CDH18: variants seen among roughly 807,000 people sequenced by gnomAD.
CDH18 encodes cadherin 18.
In CDH18, 31 loss-of-function variants were observed where a neutral mutation model predicts 67.9. The ratio of observed to expected loss-of-function variants is 0.46; its 90% CI spans 0.34 to 0.62. The LOEUF (loss-of-function observed/expected upper bound fraction) is 0.62. CDH18 is among the 20% of genes least tolerant of loss of function. The pLI is 0.01. For missense variants in CDH18, 890 were observed against 975.5 expected (o/e 0.91, Z 1.17); for synonymous variants, 362 against 347.2 (o/e 1.04, Z -0.48).
intron 4 of CDH18, among the ~76,000 whole-genome samples, chr5:19,745,447 A>G (rs1352614350): frequency 6.6e-6 from 1 of 151,838 alleles, no homozygotes; most frequent in Non-Finnish European, 1.5e-5. Flanking sequence ...GCCCTTACTT[A>G]CCTTGGAAAT....
At chr5:19,683,294 T>C (rs962876584) in intron 5 of CDH18, among the ~76,000 whole-genome samples, 1 of 152,124 alleles carries the variant, frequency 6.6e-6, no homozygotes, top group Non-Finnish European at 1.5e-5. Flanking sequence ...AGTATTTTAA[T>C]AGTTTTTGCC....
At chr5:20,304,828 G>T in intron 1 of CDH18, 2 of 1,611,494 alleles carry the variant, frequency 1.2e-6, no homozygotes, top group South Asian at 1.1e-5. Flanking sequence ...TTCACTTTCA[G>T]AATTCCTGCC....
chr5:20,471,759 G>A (rs546851995), intron 1 of CDH18, among the ~76,000 whole-genome samples: 59 of 136,568 alleles, frequency 4.3e-4, no homozygotes, highest in African/African-American at 1.5e-3. Flanking sequence ...CCAAGATCAC[G>A]CCACTGCACT....
At chr5:20,473,047 TAC>T (rs1752196428) in intron 1 of CDH18, among the ~76,000 whole-genome samples, 1 of 152,166 alleles carries the variant, frequency 6.6e-6, no homozygotes, top group African/African-American at 2.4e-5. Flanking sequence ...ACATTAATAT[TAC>T]AGTTTTACAG....
intron 2 of CDH18, among the ~76,000 whole-genome samples, chr5:19,960,565 G>GTA (rs1238048691): frequency 8.5e-6 from 1 of 117,942 alleles, no homozygotes; most frequent in Non-Finnish European, 1.7e-5. Flanking sequence ...GTGTGTATGT[G>GTA]TGTGTGTGTG....
intron 2 of CDH18, among the ~76,000 whole-genome samples, chr5:20,162,322 T>C (rs756459372): frequency 4.0e-5 from 6 of 151,424 alleles, no homozygotes; most frequent in Non-Finnish European, 7.4e-5. Context: ...TTTTACGAAG[T>C]ACTTTTAGTA....
In CDH18 at chr5:20,134,587, G is replaced by T. The variant is rs139709779; in HGVS notation, c.-518+120857C>A. Among the ~76,000 whole-genome samples the T allele has an allele frequency of 6.6e-5, 10 of 152,198 alleles. No homozygotes were observed. The East Asian group carries it at 1.7e-3, about 26-fold the overall frequency. ...CCAGAGTCTCCACCTGGTCCCTTCC[G>T]TGACATGTGATGACATGTGGGGATT... On this transcript the variant is annotated intron_variant, in intron 2 of 14. Coordinates refer to the CDH18 transcript ENST00000507958.
At chr5:20,528,012 G>A (rs1756172280) in intron 1 of CDH18, among the ~76,000 whole-genome samples, 1 of 152,048 alleles carries the variant, frequency 6.6e-6, no homozygotes, top group East Asian at 1.9e-4. Context: ...GTATTCAAGA[G>A]ACGTGTCTCA....
chr5:19,746,896 TTTC>T, intron 4 of CDH18, 43 bp downstream of exon 4: 1 of 1,524,364 alleles, frequency 6.6e-7, no homozygotes, highest in Non-Finnish European at 9.0e-7. Flanking sequence ...ACTTTTTGAT[TTTC>T]TTAATATGTT....
chr5:19,825,994 A>G (rs1780366286), intron 3 of CDH18, among the ~76,000 whole-genome samples: 1 of 152,182 alleles, frequency 6.6e-6, no homozygotes, highest in South Asian at 2.1e-4. Context: ...ATATAATAAA[A>G]TGATACTGGA....
chr5:20,305,330 T>G, intron 1 of CDH18: 4 of 1,573,692 alleles, frequency 2.5e-6, no homozygotes, highest in Non-Finnish European at 3.5e-6. Context: ...CGCTTTGCTT[T>G]CTTTATGGCT....
intron 3 of CDH18, among the ~76,000 whole-genome samples, chr5:19,788,635 T>C (rs75334371): frequency 0.042 from 6,356 of 152,272 alleles, 186 homozygotes; most frequent in East Asian, 0.066. Context: ...CATATTAGTG[T>C]TCTATCATTG....
Position 19,612,562 on chromosome 5 carries a change from G to C in CDH18, c.683C>G (p.Ala228Gly). Reference sequence around the variant, plus strand: ...AATGACTACGGAGTAATGTTCTCTGGCTTCTCTGTCCATGTTATGTAAGGC... The same window carrying C: ...AATGACTACGGAGTAATGTTCTCTGCCTTCTCTGTCCATGTTATGTAAGGC... The part of the protein sequence containing the change: ...RTALHNMDRE[A>G]REHYSVVIQA... Residue 228 changes from alanine to glycine, a missense_variant, in exon 6 of 13, where the codon GCC becomes GGC. Coordinates refer to ENST00000382275, the MANE Select transcript of CDH18 (RefSeq NM_004934.5). The C allele has an allele frequency of 1.2e-6, 2 of 1,613,832 alleles. No individual in the cohort carries two copies. Among genetic ancestry groups the C allele is most frequent in the South Asian group, 1.1e-5 (1 of 91,078 alleles).
intron 5 of CDH18, among the ~76,000 whole-genome samples, chr5:19,648,277 T>G (rs1212289715): frequency 6.6e-6 from 1 of 151,718 alleles, no homozygotes; most frequent in Admixed American, 6.6e-5. Context: ...TAGCCTGATG[T>G]GGTGGCGCCC....
intron 2 of CDH18, among the ~76,000 whole-genome samples, chr5:20,186,772 T>G (rs1196188498): frequency 6.6e-6 from 1 of 151,898 alleles, no homozygotes; most frequent in Non-Finnish European, 1.5e-5. Flanking sequence ...GAATTATCTA[T>G]CCTCCAGAAA....
At chr5:19,781,883 T>C (rs76435003) in intron 3 of CDH18, among the ~76,000 whole-genome samples, 10 of 152,148 alleles carry the variant, frequency 6.6e-5, no homozygotes, top group African/African-American at 2.4e-4. Flanking sequence ...GTCAAAGGCA[T>C]CCTTAATTAA....
In CDH18 at chr5:19,721,401, C is replaced by T. The variant is rs1436312624; in HGVS notation, c.589G>A (p.Val197Met). ...TGTCCTTGGAGAATGCTGTAAACCA[C>T]CCGAGCGCTGTTTCCATAGGTAGGG... The part of the protein sequence containing the change: ...DDPTYGNSAR[V>M]VYSILQGQPY... The change falls in exon 5 of 13, where the codon GTG (valine) becomes ATG (methionine). Residue 197 changes from valine (V) to methionine (M), a missense_variant. Val to Met is a conservative substitution (Grantham distance 21, BLOSUM62 1). Transcript: ENST00000382275. The T allele has an allele frequency of 1.2e-6, 2 of 1,610,728 alleles. No individual in the cohort carries two copies. The highest frequency in any genetic ancestry group is 1.7e-6 in the Non-Finnish European group (2 of 1,177,468).
In CDH18 at chr5:19,777,362, C is replaced by T. The variant is rs557872539; in HGVS notation, c.229-30126G>A. Among the ~76,000 whole-genome samples the T allele has an allele frequency of 4.6e-5, 7 of 152,274 alleles. No homozygotes were observed. The South Asian group carries it at 1.0e-3, about 23-fold the overall frequency. ...TCCTGAATTTTGTTTGCCTCTCTCT[C>T]CTCAATGCATGTTAACAACGACACA... On this transcript the variant is annotated intron_variant, in intron 3 of 12. Coordinates refer to ENST00000382275, the MANE Select transcript of CDH18 (RefSeq NM_004934.5).
Position 20,065,004 on chromosome 5 carries a change from T to A in CDH18, c.-517-72990A>T, listed in dbSNP as rs569658257. ...GTATTTTTTGGTCTTTGTGATTAAT[T>A]TTCCTAAACTGTTAAAATAACAGTT... is the stretch of plus-strand genomic sequence containing the variant. On this transcript the variant is annotated intron_variant, in intron 2 of 14. Coordinates refer to the CDH18 transcript ENST00000507958. Among the ~76,000 whole-genome samples the A allele has an allele frequency of 4.6e-5, 7 of 152,096 alleles. No individual in the cohort carries two copies. In the South Asian group the frequency reaches 6.2e-4, roughly 13 times the overall value.
Sources: allele counts gnomAD v4.1 joint callset (sites outside exome capture counted in the v4.1 genomes callset), GRCh38; gene constraint gnomAD v4.1.1; transcripts MANE v1.5; gene names NCBI Gene and HGNC (gene_info 2026-07-23, HGNC 2026-07-21).